PIH1D2: variants seen among roughly 807,000 people sequenced by gnomAD.
PIH1D2 encodes PIH1 domain-containing protein 2.
In PIH1D2, 25 loss-of-function variants were observed where a neutral mutation model predicts 31.2. The ratio of observed to expected loss-of-function variants is 0.80; its 90% CI spans 0.58 to 1.12. The LOEUF (loss-of-function observed/expected upper bound fraction) is 1.12, where lower values mean the gene tolerates loss of function less well. Among genes scored for constraint, PIH1D2 ranks in the 50% most tolerant of loss-of-function variants. PIH1D2 has a pLI of 0.00. For missense variants in PIH1D2, 310 were observed against 356.6 expected, an observed-to-expected ratio of 0.87 and a Z score of 1.05; for synonymous variants, 116 against 119.9, an observed-to-expected ratio of 0.97 and a Z score of 0.21.
At position 112,067,938 on chromosome 11, in the gene PIH1D2, G is replaced by C. The variant is rs143350897; in HGVS notation, c.881C>G (p.Thr294Ser). ...GATAAATTTTGCTGTGGTCATTTCAGTATCAATAAGTTTTGGAAGATTCAG... is the reference window on the plus strand; with the variant it reads ...GATAAATTTTGCTGTGGTCATTTCACTATCAATAAGTTTTGGAAGATTCAG... ...LHLNLPKLID[T>S]EMTTAKFIKE... Residue 294 changes from threonine to serine, a missense_variant, in exon 6 of 6, where the codon ACT becomes AGT. Physicochemically the swap from Thr to Ser is moderately conservative, Grantham distance 58. Transcript: ENST00000280350. The C allele has an allele frequency of 1.9e-5, 30 of 1,608,712 alleles. No individual in the cohort carries two copies. The highest frequency in any genetic ancestry group is 2.5e-5 in the Non-Finnish European group (29 of 1,175,998).
downstream of PIH1D2, among the ~76,000 whole-genome samples, chr11:112,064,842 AT>A (rs11412850): frequency 4.5e-3 from 612 of 134,918 alleles, 1 homozygote; most frequent in African/African-American, 9.7e-3. Context: ...TGGTCTCCAA[AT>A]TTTTTTTTTT....
downstream of PIH1D2, among the ~76,000 whole-genome samples, chr11:112,059,216 C>T (rs1324405663): frequency 1.3e-5 from 2 of 152,144 alleles, no homozygotes; most frequent in Non-Finnish European, 2.9e-5. Flanking sequence ...AGCCAATGTA[C>T]GTCCACTCAA....
chr11:112,059,050 G>GT (rs1379861866), downstream of PIH1D2, among the ~76,000 whole-genome samples: 1 of 148,402 alleles, frequency 6.7e-6, no homozygotes, highest in East Asian at 2.0e-4. Context: ...CTGATATTGT[G>GT]TAAAAAAAAA....
chr11:112,073,223 T>C lies in PIH1D2; in HGVS notation c.-31-18A>G. 1 of 1,461,910 alleles carries C rather than the reference T, an allele frequency of 6.8e-7. No individual in the cohort carries two copies. The highest frequency in any genetic ancestry group is 9.3e-7 in the Non-Finnish European group (1 of 1,072,142). 90.6% of individuals were successfully genotyped at this position (1,461,910 alleles called of 1,614,324 possible). On this transcript the variant is annotated intron_variant, in intron 1 of 5. Coordinates refer to ENST00000280350, the MANE Select transcript of PIH1D2 (RefSeq NM_138789.4). ...TCTTAAGCCTGTGGAAAAACACGAC[T>C]TCAGGAAGAAAACTGTCTGTGTAAT...
rs201425758 is a variant in PIH1D2, at chr11:112,071,121, A to T, written c.464T>A (p.Ile155Lys). The T allele has an allele frequency of 1.9e-6, 3 of 1,613,656 alleles. No homozygotes were observed. The East Asian group carries it at 6.7e-5, about 36-fold the overall frequency. ...SHSYHITKFR[I>K]KGSIQRMKQN... ...TTTCATTCTTTGAATGCTTCCTTTT[A>T]TTCTAAATTTGGTAATATGGTAAGA... Residue 155 changes from isoleucine (I) to lysine (K), a missense_variant, in exon 4 of 6, where the codon ATA becomes AAA. Coordinates refer to ENST00000280350, the MANE Select transcript of PIH1D2 (RefSeq NM_138789.4).
chr11:112,066,299 A>T (rs1448592224), downstream of PIH1D2, among the ~76,000 whole-genome samples: 8 of 152,134 alleles, frequency 5.3e-5, no homozygotes, highest in African/African-American at 1.7e-4. Context: ...TCTTTAGGGG[A>T]AAAGCACTTG....
At chr11:112,060,917 C>A, downstream of PIH1D2, 1 of 782,658 alleles carries the variant, frequency 1.3e-6, no homozygotes, top group Non-Finnish European at 2.1e-6. Context: ...ATGTGTATTC[C>A]ATTCAGGCCT....
At chr11:112,063,567 A>G (rs1555183535), downstream of PIH1D2, 1 of 152,558 alleles carries the variant, frequency 6.6e-6, no homozygotes, top group Non-Finnish European at 1.5e-5. Flanking sequence ...CAAAAACAAA[A>G]TGGTAATTTC....
At chr11:112,065,751 C>T (rs1023700588), downstream of PIH1D2, among the ~76,000 whole-genome samples, 5 of 152,134 alleles carry the variant, frequency 3.3e-5, no homozygotes, top group Admixed American at 6.5e-5. Flanking sequence ...GAGGCCGAGG[C>T]GGGCAGATCA....
chr11:112,066,480 A>G (rs1316083069), downstream of PIH1D2, among the ~76,000 whole-genome samples: 6 of 151,854 alleles, frequency 4.0e-5, no homozygotes, highest in Admixed American at 3.9e-4. Flanking sequence ...TTTACTAAGT[A>G]TACAAAAATT....
the PIH1D2 span, among the ~76,000 whole-genome samples, chr11:112,054,320 AAATAAT>A: frequency 2.0e-5 from 3 of 151,824 alleles, no homozygotes; most frequent in Non-Finnish European, 2.9e-5. Context: ...ACTGCATTTC[AAATAAT>A]AATAATAATA....
At chr11:112,072,810 G>T in intron 2 of PIH1D2, 188 bp downstream of exon 2, 1 of 569,866 alleles carries the variant, frequency 1.8e-6, no homozygotes, top group Non-Finnish European at 2.9e-6. Flanking sequence ...GTTGCAGCGA[G>T]CCAAGACCAC....
chr11:112,072,431 C>T lies in PIH1D2; in HGVS notation c.177+567G>A, dbSNP rs370843866. On this transcript the variant is annotated intron_variant, in intron 2 of 5. Coordinates refer to ENST00000280350, the MANE Select transcript of PIH1D2 (RefSeq NM_138789.4). ...GGTGTGGTGATGCCCACCTGTGATC[C>T]CAGCTACTTGGGAGGCTGAGGTGGG... Among the ~76,000 whole-genome samples, 98 of 151,628 alleles carry T rather than the reference C, an allele frequency of 6.5e-4. 2 individuals are homozygous for T. The highest frequency in any genetic ancestry group is 2.3e-3 in the African/African-American group (97 of 41,302).
At chr11:112,052,806 C>G in the PIH1D2 span, among the ~76,000 whole-genome samples, 2 of 152,226 alleles carry the variant, frequency 1.3e-5, no homozygotes, top group Admixed American at 6.5e-5. Context: ...AGTTCCAACT[C>G]TCTAATCCTC....
At chr11:112,068,988 T>TG (rs1865023504) in intron 5 of PIH1D2, among the ~76,000 whole-genome samples, 2 of 140,100 alleles carry the variant, frequency 1.4e-5, no homozygotes, top group African/African-American at 6.1e-5. Flanking sequence ...TTTTGTTTTT[T>TG]TTTTTTTTTG....
At chr11:112,064,453 G>C (rs1864829831), downstream of PIH1D2, 2 of 481,988 alleles carry the variant, frequency 4.1e-6, no homozygotes, top group Non-Finnish European at 3.6e-6. Flanking sequence ...TTTAGATCTA[G>C]GGACAGCCAT....
chr11:112,062,545 GA>G, downstream of PIH1D2: 1 of 1,612,012 alleles, frequency 6.2e-7, no homozygotes, highest in Non-Finnish European at 8.5e-7. Flanking sequence ...ACTAACTCAA[GA>G]ATTTCTAAAC....
At chr11:112,059,044 T>G (rs1345610055), downstream of PIH1D2, among the ~76,000 whole-genome samples, 1 of 151,272 alleles carries the variant, frequency 6.6e-6, no homozygotes, top group Non-Finnish European at 1.5e-5. Flanking sequence ...GAAGATCTGA[T>G]ATTGTGTAAA....
chr11:112,070,599 A>G lies in PIH1D2; in HGVS notation c.650T>C (p.Leu217Pro). ...KDQVSGKAVC[L>P]IEEISSTEIQ... The stretch of plus-strand genomic sequence containing the variant: ...TTCAGTACTGGAAATCTCTTCTATC[A>G]GACACACTGCTTTGCCTGAAACTTG... The change falls in exon 5 of 6, where the codon CTG becomes CCG. Residue 217 changes from leucine (L) to proline (P), a missense_variant. Coordinates refer to ENST00000280350, the MANE Select transcript of PIH1D2 (RefSeq NM_138789.4). The G allele has an allele frequency of 6.2e-7, 1 of 1,614,172 alleles. No homozygotes were observed. Among genetic ancestry groups the G allele is most frequent in the South Asian group, 1.1e-5 (1 of 91,080 alleles).
Sources: gnomAD v4.1 joint callset for allele counts (sites outside exome capture counted in the v4.1 genomes callset) on GRCh38, gnomAD v4.1.1 for gene constraint, MANE v1.5 for transcripts, NCBI Gene and HGNC (gene_info 2026-07-23, HGNC 2026-07-21) for gene names.